GOLGA8M: variants seen among roughly 807,000 people sequenced by gnomAD.
GOLGA8M encodes golgin A8 family member M.
In GOLGA8M, 34 loss-of-function variants were observed where a neutral mutation model predicts 87.7. The observed-to-expected ratio is 0.39, with a 90% confidence interval of 0.29 to 0.52. The LOEUF is 0.52. Ranked by LOEUF, GOLGA8M falls within the 20% of genes least tolerant of loss-of-function variation. The pLI, the probability that GOLGA8M is intolerant of heterozygous loss-of-function variation, is 0.80. For missense variants in GOLGA8M, 396 were observed against 682.2 expected, an observed-to-expected ratio of 0.58 and a Z score of 4.67; for synonymous variants, 138 against 250.2, an observed-to-expected ratio of 0.55 and a Z score of 4.23.
At chr15:28,711,886 G>T in intron 1 of GOLGA8M, 1 of 985,090 alleles carries the variant, frequency 1.0e-6, no homozygotes, top group Non-Finnish European at 1.2e-6. Context: ...GGAGGGCAGA[G>T]TCTGCAGCAG....
rs958954338 is a variant in GOLGA8M, at chr15:28,704,941, C to G, written c.1200+218G>C. 16 of 896,980 alleles carry G rather than the reference C, an allele frequency of 1.8e-5. No homozygotes were observed. In the African/African-American group the frequency reaches 2.8e-4, roughly 16 times the overall value. The allele number at this position is 896,980 out of a possible 1,614,324, so 55.6% of individuals were successfully genotyped here. A position where few individuals can be genotyped will look rare whatever the true frequency, so the allele number is the denominator to read the frequency against. ...CCCTGTGATTGGGGGCTCCATGCCTCTAGCTAGGATGATGATGTCCAGACC... is the reference window on the plus strand; with the variant it reads ...CCCTGTGATTGGGGGCTCCATGCCTGTAGCTAGGATGATGATGTCCAGACC... On this transcript the variant is annotated intron_variant, in intron 13 of 18. Transcript: ENST00000563027.
At chr15:28,707,087 G>A (rs1161382949) in intron 8 of GOLGA8M, among the ~76,000 whole-genome samples, 3 of 135,286 alleles carry the variant, frequency 2.2e-5, no homozygotes, top group Non-Finnish European at 4.4e-5. Flanking sequence ...AGTATTTGAG[G>A]TTAAGTGCTT....
At chr15:28,713,109 G>A (rs1174005156), upstream of GOLGA8M, among the ~76,000 whole-genome samples, 1 of 151,814 alleles carries the variant, frequency 6.6e-6, no homozygotes, top group African/African-American at 2.4e-5. Flanking sequence ...AGAGCCCAAG[G>A]TGGGTGGATC....
In GOLGA8M at chr15:28,708,177, T is replaced by C. The variant is rs1372203504; in HGVS notation, c.349-4A>G. On this transcript the variant is annotated splice_polypyrimidine_tract_variant and splice_region_variant and intron_variant, in intron 5 of 18. Coordinates refer to ENST00000563027, the MANE Select transcript of GOLGA8M (RefSeq NM_001282468.3). ...TCTTGTTGTTTGCTTTCTTTTCCTG[T>C]AGGAAGAGGAAGACAGAGCTCTTAC... The C allele has an allele frequency of 3.8e-6, 6 of 1,580,558 alleles. No individual in the cohort carries two copies. Among genetic ancestry groups the C allele is most frequent in the Non-Finnish European group, 5.2e-6 (6 of 1,164,816 alleles).
chr15:28,706,757 G>A (rs951740426), intron 8 of GOLGA8M, 58 bp from the exon 9 acceptor site: 6 of 1,456,660 alleles, frequency 4.1e-6, no homozygotes, highest in Non-Finnish European at 5.6e-6. Flanking sequence ...TCCACACAGT[G>A]CCCCTTAACA....
rs1435885482 is a variant in GOLGA8M, at chr15:28,700,959, C to T, written c.*995G>A. 6.6e-6 allele frequency among the ~76,000 whole-genome samples: 1 copy of T among 152,092 alleles called. No individual in the cohort carries two copies. The highest frequency in any genetic ancestry group is 1.5e-5 in the Non-Finnish European group (1 of 68,016). On this transcript the variant is annotated 3_prime_UTR_variant, in exon 19 of 19. Transcript: ENST00000563027. ...GATTTCTTATGATCTTCACTAAATA[C>T]ATTAAGAAGAATGCCAACCAGTGTC...
intron 1 of GOLGA8M, 131 bp downstream of exon 1, chr15:28,712,145 G>T (rs879304039): frequency 1.1e-5 from 17 of 1,535,598 alleles, no homozygotes; most frequent in Non-Finnish European, 1.4e-5. Context: ...TTTGATGGGG[G>T]TAGCCCAAGG....
chr15:28,705,314 T>C lies in GOLGA8M; in HGVS notation c.1132-87A>G, dbSNP rs2140922418. 6 of 1,477,422 alleles carry C rather than the reference T, an allele frequency of 4.1e-6. No individual in the cohort carries two copies. In the South Asian group the frequency reaches 5.9e-5, roughly 15 times the overall value. The allele number at this position is 1,477,422 out of a possible 1,614,324, so 91.5% of individuals were successfully genotyped here. ...CTGCCTCCCATGGCACTGGGAAGGC[T>C]GGAGGCAGGTTAGAAAAATCACCCC... On this transcript the variant is annotated intron_variant, in intron 12 of 18. Transcript: ENST00000563027.
chr15:28,702,658 C>T lies in GOLGA8M; in HGVS notation c.1456G>A (p.Glu486Lys). Residue 486 changes from glutamate (E) to lysine (K), a missense_variant, in exon 16 of 19, where the codon GAG becomes AAG. Around this residue, in one of 12 missense-constraint regions of GOLGA8M, gnomAD observed 173 missense variants for 150.2 expected, o/e 1.15. Coordinates refer to ENST00000563027, the MANE Select transcript of GOLGA8M (RefSeq NM_001282468.3). ...QELRFIQYWQ[E>K]RCHQKIHHLL... The stretch of plus-strand genomic sequence containing the variant: ...CCTCCCACTCACTGATGGCATCTCT[C>T]TTGCCAGTATTGAATGAAGCGAAGT... The T allele has an allele frequency of 6.2e-6, 10 of 1,609,142 alleles. No individual in the cohort carries two copies. Among genetic ancestry groups the T allele is most frequent in the Non-Finnish European group, 8.5e-6 (10 of 1,179,922 alleles).
chr15:28,711,412 C>T (rs2080191620), intron 1 of GOLGA8M: 1 of 700,402 alleles, frequency 1.4e-6, no homozygotes, highest in Non-Finnish European at 1.8e-6. Flanking sequence ...TAAAATCTCT[C>T]TGGAAAGTAG....
At chr15:28,704,006 C>G in intron 13 of GOLGA8M, 89 bp from the exon 14 acceptor site, 1 of 1,571,252 alleles carries the variant, frequency 6.4e-7, no homozygotes. Context: ...TCCCCTGGGT[C>G]TCCTGCAACT....
At chr15:28,704,485 C>G (rs1443494610) in intron 13 of GOLGA8M, among the ~76,000 whole-genome samples, 4 of 149,418 alleles carry the variant, frequency 2.7e-5, no homozygotes, top group Non-Finnish European at 4.4e-5. Context: ...GCTAACTTCC[C>G]TTTGAAGTTA....
intron 1 of GOLGA8M, chr15:28,711,747 G>C: frequency 1.0e-6 from 1 of 985,112 alleles, no homozygotes; most frequent in Non-Finnish European, 1.2e-6. Flanking sequence ...GTCGGGGGGA[G>C]GGACCATGTC....
Position 28,705,700 on chromosome 15 carries a change from TCA to T in GOLGA8M, c.912_913del (p.Glu305GlyfsTer75). On this transcript the variant is annotated frameshift_variant, in exon 12 of 19. Transcript: ENST00000563027. LOFTEE classifies it high-confidence loss of function. ...CTTCCTCAGGTGCTGCAGCTCCACC[TCA>T]GAGGGCACTGCTGGGGGCTCCGGGG... 6.3e-7 allele frequency: 1 copy of T among 1,580,732 alleles called. No individual in the cohort carries two copies. The highest frequency in any genetic ancestry group is 8.5e-7 in the Non-Finnish European group (1 of 1,176,152).
At chr15:28,709,927 A>G (rs1261648843) in intron 2 of GOLGA8M, among the ~76,000 whole-genome samples, 5 of 141,788 alleles carry the variant, frequency 3.5e-5, no homozygotes, top group Non-Finnish European at 7.4e-5. Context: ...TAAAAACAAC[A>G]ATAACAAATC....
upstream of GOLGA8M, among the ~76,000 whole-genome samples, chr15:28,713,275 T>C (rs1043098976): frequency 6.6e-5 from 10 of 151,364 alleles, no homozygotes; most frequent in African/African-American, 2.4e-4. Context: ...AGGTGGAGCT[T>C]GCAGTGAGCC....
Position 28,709,513 on chromosome 15 carries a change from G to A in GOLGA8M, c.228+16C>T, listed in dbSNP as rs1033632549. On this transcript the variant is annotated intron_variant, in intron 3 of 18. Transcript: ENST00000563027. The stretch of plus-strand genomic sequence containing the variant: ...TGACCCGAAGGGTCACTGCACCTCT[G>A]CCCAGAGCCTCTTACCTCCAGATCT... 5 of 1,210,772 alleles carry A rather than the reference G, an allele frequency of 4.1e-6. No individual in the cohort carries two copies. Among genetic ancestry groups the A allele is most frequent in the East Asian group, 2.6e-5 (1 of 38,536 alleles). 75.0% of individuals were successfully genotyped at this position (1,210,772 alleles called of 1,614,324 possible).
chr15:28,705,122 C>T (rs1383863264), intron 13 of GOLGA8M, 37 bp downstream of exon 13: 3 of 1,597,284 alleles, frequency 1.9e-6, no homozygotes, highest in Non-Finnish European at 2.5e-6. Flanking sequence ...GCCTCCCAGC[C>T]CTTCTTGGAT....
chr15:28,706,865 C>A (rs1483750768), intron 8 of GOLGA8M, among the ~76,000 whole-genome samples, 166 bp from the exon 9 acceptor site: 1 of 143,206 alleles, frequency 7.0e-6, no homozygotes, highest in Non-Finnish European at 1.5e-5. Flanking sequence ...AAAGTTGGAA[C>A]GGACAGGGAA....
Sources: gnomAD v4.1 joint callset for allele counts (sites outside exome capture counted in the v4.1 genomes callset) on GRCh38, gnomAD v4.1.1 for gene constraint, gnomAD v4.1.1 regional missense constraint, MANE v1.5 for transcripts, NCBI Gene and HGNC (gene_info 2026-07-23, HGNC 2026-07-21) for gene names.